PMS1: variants seen among roughly 807,000 people sequenced by gnomAD.
PMS1 encodes the protein PMS1 protein homolog 1.
PMS1 carries 79 observed loss-of-function variants against 93.1 expected under a neutral mutation model. The ratio of observed to expected loss-of-function variants is 0.85; its 90% confidence interval spans 0.71 to 1.02. The LOEUF is 1.02. PMS1 is among the 50% of genes least tolerant of loss of function. The pLI is 0.00. For missense variants in PMS1, 1,064 were observed against 1,085.3 expected (o/e 0.98, Z 0.28); for synonymous variants, 335 against 363.4 (o/e 0.92, Z 0.89).
chr2:189,824,781 A>G (rs1256739156), intron 5 of PMS1, among the ~76,000 whole-genome samples: 6 of 152,090 alleles, frequency 3.9e-5, no homozygotes, highest in Admixed American at 6.5e-5. Flanking sequence ...CTTTTTTCTC[A>G]TAGTAGATTT....
At chr2:189,875,409 C>T (rs1031800966) in intron 12 of PMS1, among the ~76,000 whole-genome samples, 3 of 151,888 alleles carry the variant, frequency 2.0e-5, no homozygotes, top group Non-Finnish European at 4.4e-5. Flanking sequence ...ATATGGATTT[C>T]GCATCCCATG....
At chr2:189,837,547 G>C (rs971141861) in intron 5 of PMS1, among the ~76,000 whole-genome samples, 5 of 152,056 alleles carry the variant, frequency 3.3e-5, no homozygotes, top group African/African-American at 1.2e-4. Context: ...TTAGCTGTTG[G>C]CTGGCTTAAA....
chr2:189,808,491 C>A (rs746414258), intron 4 of PMS1, among the ~76,000 whole-genome samples: 1 of 151,726 alleles, frequency 6.6e-6, no homozygotes, highest in East Asian at 1.9e-4. Context: ...CCACACCTGG[C>A]GAATTTTTGT....
chr2:189,860,256 CTT>C (rs975324504), intron 9 of PMS1, among the ~76,000 whole-genome samples: 1 of 152,178 alleles, frequency 6.6e-6, no homozygotes, highest in Non-Finnish European at 1.5e-5. Flanking sequence ...GGCAGCCACT[CTT>C]TTGAGTTTTG....
intron 6 of PMS1, among the ~76,000 whole-genome samples, chr2:189,849,909 C>A (rs1384695668): frequency 6.8e-6 from 1 of 146,010 alleles, no homozygotes; most frequent in Non-Finnish European, 1.5e-5. Flanking sequence ...CTATATGAGC[C>A]CCCTTTTTTA....
intron 5 of PMS1, among the ~76,000 whole-genome samples, chr2:189,822,897 TC>T (rs2052062935): frequency 6.6e-6 from 1 of 152,206 alleles, no homozygotes; most frequent in African/African-American, 2.4e-5. Flanking sequence ...GCTCCACTCT[TC>T]CTAGAGTTAA....
At chr2:189,817,950 A>G (rs2051470820) in intron 4 of PMS1, 67 bp from the exon 5 acceptor site, 17 of 1,197,404 alleles carry the variant, frequency 1.4e-5, no homozygotes, top group Non-Finnish European at 1.7e-5. Flanking sequence ...TACAAATTGT[A>G]TACGGATTTG....
At chr2:189,805,489 T>C (rs745722436) in intron 3 of PMS1, among the ~76,000 whole-genome samples, 163 bp from the exon 4 acceptor site, 6 of 152,240 alleles carry the variant, frequency 3.9e-5, no homozygotes, top group Non-Finnish European at 7.3e-5. Flanking sequence ...GTTGCTTATT[T>C]GTGTAACTCT....
At chr2:189,852,522 G>A (rs2106448728) in intron 6 of PMS1, 133 bp from the exon 7 acceptor site, 1 of 736,928 alleles carries the variant, frequency 1.4e-6, no homozygotes. Context: ...ATGATTATCA[G>A]GAAGTATATG....
intron 6 of PMS1, among the ~76,000 whole-genome samples, chr2:189,846,399 C>G (rs2054257738): frequency 6.6e-6 from 1 of 152,012 alleles, no homozygotes; most frequent in East Asian, 1.9e-4. Context: ...GTAATCCCAG[C>G]TACTTGGGAG....
intron 9 of PMS1, among the ~76,000 whole-genome samples, chr2:189,861,625 T>C (rs140677155): frequency 6.6e-6 from 1 of 151,948 alleles, no homozygotes; most frequent in African/African-American, 2.4e-5. Flanking sequence ...GGTGCACCCC[T>C]CTAATCCCAG....
rs768772690 is a variant in PMS1, at chr2:189,854,426, C to G, written c.1154C>G (p.Thr385Ser). Residue 385 changes from threonine to serine, a missense_variant, in exon 9 of 13, where the codon ACT (threonine) becomes AGT (serine). Physicochemically the swap from Thr to Ser is moderately conservative, Grantham distance 58. Coordinates refer to ENST00000441310, the MANE Select transcript of PMS1 (RefSeq NM_000534.5). ...GGAAAGAATTATTCAAATGTTGATACTTCAGTCATTCCATTCCAAAATGAT... is the reference window on the plus strand; with the variant it reads ...GGAAAGAATTATTCAAATGTTGATAGTTCAGTCATTCCATTCCAAAATGAT... ...SSGKNYSNVDTSVIPFQNDMH... is the reference protein window; with the variant it reads ...SSGKNYSNVDSSVIPFQNDMH... The G allele has an allele frequency of 6.2e-7, 1 of 1,607,652 alleles. No individual in the cohort carries two copies. The highest frequency in any genetic ancestry group is 2.2e-5 in the East Asian group (1 of 44,730).
chr2:189,875,434 A>G lies in PMS1; in HGVS notation c.2634+1778A>G, dbSNP rs187207968. On this transcript the variant is annotated intron_variant, in intron 12 of 12. Transcript: ENST00000441310. ...CGCATCCCATGGTACTGTATTTTCT[A>G]TCACAGTTGGGGTCGGAAAAACATC... 3.9e-5 allele frequency among the ~76,000 whole-genome samples: 6 copies of G among 152,094 alleles called. No homozygotes were observed. In the East Asian group the frequency reaches 1.2e-3, roughly 29 times the overall value.
chr2:189,796,044 T>A, intron 3 of PMS1, 93 bp downstream of exon 3: 1 of 952,956 alleles, frequency 1.0e-6, no homozygotes, highest in South Asian at 1.3e-5. Flanking sequence ...ATGGTTTTAA[T>A]TATTTTTATT....
At chr2:189,867,446 G>A (rs1469812777) in intron 10 of PMS1, among the ~76,000 whole-genome samples, 2 of 152,144 alleles carry the variant, frequency 1.3e-5, no homozygotes, top group East Asian at 3.9e-4. Flanking sequence ...TGAAAATTTG[G>A]CAGGGTGGAC....
intron 5 of PMS1, among the ~76,000 whole-genome samples, chr2:189,837,863 G>A (rs919641649): frequency 6.6e-6 from 1 of 152,316 alleles, no homozygotes. Context: ...TAAAAGGAAT[G>A]AAGTACTGAT....
chr2:189,813,324 T>A lies in PMS1; in HGVS notation c.419-4693T>A, dbSNP rs1309648768. Among the ~76,000 whole-genome samples the A allele has an allele frequency of 2.6e-5, 4 of 152,304 alleles. No homozygotes were observed. The South Asian group carries it at 8.3e-4, about 32-fold the overall frequency. ...AGTTCCAGCCTGAGTGTGGTCGATTTCATATACCTTGAGGATAGCCAGGTG... is the reference window on the plus strand; with the variant it reads ...AGTTCCAGCCTGAGTGTGGTCGATTACATATACCTTGAGGATAGCCAGGTG... On this transcript the variant is annotated intron_variant, in intron 4 of 12. Coordinates refer to ENST00000441310, the MANE Select transcript of PMS1 (RefSeq NM_000534.5).
intron 2 of PMS1, 61 bp from the exon 3 acceptor site, chr2:189,795,708 T>C (rs2049293244): frequency 7.6e-7 from 1 of 1,308,228 alleles, no homozygotes; most frequent in Admixed American, 1.7e-5. Flanking sequence ...TGTGTTTCTT[T>C]CTAAGTGTGA....
At chr2:189,816,037 A>T (rs1276526223) in intron 4 of PMS1, among the ~76,000 whole-genome samples, 5 of 152,110 alleles carry the variant, frequency 3.3e-5, no homozygotes, top group African/African-American at 1.2e-4. Flanking sequence ...AGTAGCTAGG[A>T]CTATAGGCAT....
Sources: gnomAD v4.1 joint callset for allele counts (sites outside exome capture counted in the v4.1 genomes callset) on GRCh38, gnomAD v4.1.1 for gene constraint, MANE v1.5 for transcripts, NCBI Gene and HGNC (gene_info 2026-07-23, HGNC 2026-07-21) for gene names.